The following PLD5 variants were observed in gnomAD, a reference collection of about 807,000 sequenced individuals.
The protein encoded by PLD5 is inactive phospholipase D5.
Under a neutral mutation model 61.1 loss-of-function variants are expected in PLD5, and 36 were observed. The observed-to-expected ratio is 0.59, with a 90% CI of 0.45 to 0.78. The LOEUF (loss-of-function observed/expected upper bound fraction) is 0.78. PLD5 is among the 30% of genes least tolerant of loss of function. The probability of loss-of-function intolerance (pLI) is 0.00; values close to 1 mark genes in which losing one functional copy is unlikely to be tolerated. For synonymous variants in PLD5, 243 were observed against 242.8 expected (o/e 1.00, Z -0.01); for missense variants, 515 against 644.4 (o/e 0.80, Z 2.17).
At chr1:242,114,893 A>G (rs948307730) in intron 6 of PLD5, among the ~76,000 whole-genome samples, 12 of 145,408 alleles carry the variant, frequency 8.3e-5, no homozygotes, top group Non-Finnish European at 1.8e-4. Flanking sequence ...AAATAAAGTG[A>G]CAGCCACGGA....
At chr1:242,354,170 C>T (rs949773565) in intron 1 of PLD5, among the ~76,000 whole-genome samples, 36 of 152,184 alleles carry the variant, frequency 2.4e-4, no homozygotes, top group Admixed American at 1.6e-3. Context: ...GCCCTCCTTG[C>T]TCATAGGCAT....
chr1:242,213,463 A>G (rs1380871698), intron 5 of PLD5, among the ~76,000 whole-genome samples: 2 of 152,194 alleles, frequency 1.3e-5, no homozygotes, highest in Non-Finnish European at 2.9e-5. Flanking sequence ...TTGCACCTGA[A>G]AAAGCACAAA....
chr1:242,418,632 T>C (rs1353855337), intron 1 of PLD5, among the ~76,000 whole-genome samples: 1 of 152,210 alleles, frequency 6.6e-6, no homozygotes, highest in African/African-American at 2.4e-5. Flanking sequence ...GCTGACCTAG[T>C]GTATCAGTTC....
chr1:242,400,093 A>G (rs1018727266), intron 1 of PLD5, among the ~76,000 whole-genome samples: 2 of 152,072 alleles, frequency 1.3e-5, no homozygotes, highest in African/African-American at 4.8e-5. Context: ...ACTTAAACCC[A>G]GGAGGCAGAG....
intron 4 of PLD5, among the ~76,000 whole-genome samples, chr1:242,225,369 G>T (rs1480086231): frequency 1.3e-5 from 2 of 150,648 alleles, no homozygotes; most frequent in Non-Finnish European, 3.0e-5. Flanking sequence ...ATATTTCATG[G>T]TATGGAATGC....
At chr1:242,462,180 G>A (rs750423928) in intron 1 of PLD5, among the ~76,000 whole-genome samples, 5 of 152,122 alleles carry the variant, frequency 3.3e-5, no homozygotes, top group Non-Finnish European at 7.3e-5. Flanking sequence ...AAAGACACAT[G>A]CGCTCATATG....
intron 1 of PLD5, among the ~76,000 whole-genome samples, chr1:242,430,013 G>A (rs1480437192): frequency 6.6e-6 from 1 of 152,122 alleles, no homozygotes; most frequent in Non-Finnish European, 1.5e-5. Flanking sequence ...CATGCATCAG[G>A]CCAAGCTGCA....
intron 1 of PLD5, among the ~76,000 whole-genome samples, chr1:242,403,209 C>T (rs142480193): frequency 2.0e-3 from 298 of 152,288 alleles, no homozygotes; most frequent in African/African-American, 6.9e-3. Context: ...CTCTGCAGCA[C>T]ACTCTAGGGC....
intron 5 of PLD5, among the ~76,000 whole-genome samples, chr1:242,149,284 T>C (rs1459338856): frequency 1.3e-5 from 2 of 151,908 alleles, no homozygotes; most frequent in Non-Finnish European, 1.5e-5. Context: ...AGTCTTTTGA[T>C]ACAGTATTTT....
At chr1:242,359,614 T>C (rs4106029) in intron 1 of PLD5, among the ~76,000 whole-genome samples, 147,213 of 152,252 alleles carry the variant, frequency 0.97, 71,249 homozygotes, top group Non-Finnish European at 0.99. Flanking sequence ...GAACTGTTTG[T>C]GGGCTCAGGC....
At chr1:242,494,324 T>C (rs1668291499) in intron 1 of PLD5, among the ~76,000 whole-genome samples, 1 of 152,148 alleles carries the variant, frequency 6.6e-6, no homozygotes, top group African/African-American at 2.4e-5. Flanking sequence ...CCCATTTAAA[T>C]GCTCCACAGA....
intron 5 of PLD5, among the ~76,000 whole-genome samples, chr1:242,164,029 G>T (rs1232551213): frequency 6.6e-6 from 1 of 151,994 alleles, no homozygotes; most frequent in African/African-American, 2.4e-5. Context: ...GCTTTTTAGG[G>T]AGTCAATTTT....
At chr1:242,303,446 C>T (rs1397591647) in intron 2 of PLD5, among the ~76,000 whole-genome samples, 1 of 152,148 alleles carries the variant, frequency 6.6e-6, no homozygotes, top group Non-Finnish European at 1.5e-5. Flanking sequence ...TATTTCAACC[C>T]ACATTAAAAG....
At chr1:242,205,434 C>T (rs577908247) in intron 5 of PLD5, among the ~76,000 whole-genome samples, 1 of 152,134 alleles carries the variant, frequency 6.6e-6, no homozygotes. Flanking sequence ...AAAATGCAGT[C>T]TGCTAATCCA....
At chr1:242,414,412 G>C (rs751558224) in intron 1 of PLD5, among the ~76,000 whole-genome samples, 1 of 152,072 alleles carries the variant, frequency 6.6e-6, no homozygotes, top group Non-Finnish European at 1.5e-5. Context: ...ATGGCTCTAT[G>C]GAAACATAAA....
intron 1 of PLD5, among the ~76,000 whole-genome samples, chr1:242,368,059 C>A (rs1440757638): frequency 6.6e-6 from 1 of 152,128 alleles, no homozygotes; most frequent in Non-Finnish European, 1.5e-5. Context: ...CTGCCTGCAT[C>A]AGCAAACTGA....
At chr1:242,157,263 C>T (rs909845633) in intron 5 of PLD5, among the ~76,000 whole-genome samples, 4 of 152,190 alleles carry the variant, frequency 2.6e-5, no homozygotes, top group African/African-American at 9.7e-5. Flanking sequence ...CTAACCTTTT[C>T]TCAAGGTTCT....
At chr1:242,323,481 T>C (rs1658550641) in intron 2 of PLD5, among the ~76,000 whole-genome samples, 1 of 152,202 alleles carries the variant, frequency 6.6e-6, no homozygotes, top group Non-Finnish European at 1.5e-5. Flanking sequence ...CTTCCAAGAA[T>C]TGCTCCCAAA....
chr1:242,508,505 C>T (rs559794995), intron 1 of PLD5, among the ~76,000 whole-genome samples: 4 of 152,308 alleles, frequency 2.6e-5, no homozygotes, highest in Admixed American at 1.3e-4. Flanking sequence ...TCTGTACTTC[C>T]GACAAGCACA....
Sources: gnomAD v4.1 joint callset for allele counts (sites outside exome capture counted in the v4.1 genomes callset) on GRCh38, gnomAD v4.1.1 for gene constraint, MANE v1.5 for transcripts, NCBI Gene and HGNC (gene_info 2026-07-23, HGNC 2026-07-21) for gene names.